The following PDE11A variants were observed in gnomAD, a reference collection of about 807,000 sequenced individuals.
PDE11A encodes the protein phosphodiesterase 11A.
Under a neutral mutation model 100.5 loss-of-function variants are expected in PDE11A, and 100 were observed. That is an observed-to-expected ratio of 1.00 (90% CI 0.85 to 1.18). The LOEUF is 1.18. Ranked by LOEUF, PDE11A falls within the 50% of genes most tolerant of loss-of-function variation. The pLI is 0.00. For synonymous variants in PDE11A, 381 were observed against 420.8 expected (o/e 0.91, Z 1.16); for missense variants, 1,141 against 1,152.6 (o/e 0.99, Z 0.15).
rs374942202 is a variant in PDE11A, at chr2:177,663,872, C to A, written c.2640G>T (p.Leu880Phe). The change falls in exon 19 of 20, where the codon TTG (leucine) becomes TTT (phenylalanine). Residue 880 changes from leucine to phenylalanine, a missense_variant. Leu to Phe is a conservative substitution (Grantham distance 22, BLOSUM62 0). Transcript: ENST00000286063. ...CCCTCCCAAATCAAAGTACCTGATA[C>A]AAAGGCATGCAGATGCTATCAATCC... ...LEWIDSICMP[L>F]YQALVKVNVK... 8.3e-4 allele frequency: 1,299 copies of A among 1,573,058 alleles called. 22 individuals are homozygous for A. The South Asian group carries it at 0.014, about 16-fold the overall frequency.
At chr2:177,713,997 T>TTTTTTTTTTTTTTTTTTTTTTTTTTC (rs2081397737) in intron 12 of PDE11A, among the ~76,000 whole-genome samples, 1 of 120,414 alleles carries the variant, frequency 8.3e-6, no homozygotes, top group African/African-American at 3.1e-5. Context: ...CTTTTTTTTT[T>TTTTTTTTTTTTTTTTTTTTTTTTTTC]TTTTTTTTTT....
intron 7 of PDE11A, among the ~76,000 whole-genome samples, chr2:177,818,690 G>T (rs371235831): frequency 6.6e-6 from 1 of 151,906 alleles, no homozygotes; most frequent in African/African-American, 2.4e-5. Flanking sequence ...CTGCTACCAG[G>T]GGGTACATAT....
intron 10 of PDE11A, among the ~76,000 whole-genome samples, chr2:177,738,802 T>C (rs2081831457): frequency 6.6e-6 from 1 of 152,162 alleles, no homozygotes; most frequent in East Asian, 1.9e-4. Context: ...TTTCAGTGAC[T>C]AGGCAGAAAA....
chr2:178,017,825 T>C (rs1399098537), intron 1 of PDE11A, among the ~76,000 whole-genome samples: 1 of 152,018 alleles, frequency 6.6e-6, no homozygotes, highest in Non-Finnish European at 1.5e-5. Flanking sequence ...CCGGGCGTGG[T>C]GCCAGGTGCC....
intron 12 of PDE11A, among the ~76,000 whole-genome samples, chr2:177,721,445 A>T (rs1175884323): frequency 2.0e-5 from 3 of 152,208 alleles, no homozygotes; most frequent in African/African-American, 4.8e-5. Context: ...AAATAATATA[A>T]GGAAATTTTC....
chr2:177,939,529 GAGGAAGGAAGGA>G lies in PDE11A; in HGVS notation c.1072-34354_1072-34343del, dbSNP rs72249265. 4.6e-3 allele frequency among the ~76,000 whole-genome samples: 465 copies of G among 100,790 alleles called. 2 individuals carry two copies. The highest frequency in any genetic ancestry group is 0.015 in the Middle Eastern group (3 of 196). The allele number at this position is 100,790 out of a possible 152,430, so 66.1% of individuals were successfully genotyped here. A position where few individuals can be genotyped will look rare whatever the true frequency, so the allele number is the denominator to read the frequency against. On this transcript the variant is annotated intron_variant, in intron 2 of 19. Transcript: ENST00000286063. ...GAGGGAGGGAGGGAAGGGAGGGAGGGAGGAAGGAAGGAAGGAAGGAAGGAAGGAAGGAAGGAA... is the reference window on the plus strand; with the variant it reads ...GAGGGAGGGAGGGAAGGGAGGGAGGGAGGAAGGAAGGAAGGAAGGAAGGAA...
intron 12 of PDE11A, among the ~76,000 whole-genome samples, chr2:177,712,561 G>A (rs1440584684): frequency 1.3e-5 from 2 of 152,084 alleles, no homozygotes; most frequent in Non-Finnish European, 2.9e-5. Flanking sequence ...ATCCATTACT[G>A]GGAATTCTTT....
chr2:177,855,079 T>C (rs1040819172), intron 5 of PDE11A, among the ~76,000 whole-genome samples: 1 of 152,150 alleles, frequency 6.6e-6, no homozygotes, highest in African/African-American at 2.4e-5. Flanking sequence ...GACATTGAAA[T>C]ATGTAGCATA....
intron 2 of PDE11A, among the ~76,000 whole-genome samples, chr2:177,935,965 C>T (rs1017050161): frequency 6.6e-6 from 1 of 152,168 alleles, no homozygotes; most frequent in African/African-American, 2.4e-5. Context: ...AAAATCACTC[C>T]TCAACACACG....
intron 6 of PDE11A, 90 bp downstream of exon 6, chr2:177,840,160 AT>A: frequency 7.5e-7 from 1 of 1,332,066 alleles, no homozygotes; most frequent in Non-Finnish European, 1.1e-6. Flanking sequence ...ATGCAAAAGA[AT>A]TGCTGGTAAG....
At position 177,653,453 on chromosome 2, in the gene PDE11A, C is replaced by T. The variant is rs112730721; in HGVS notation, c.2646+10413G>A. Among the ~76,000 whole-genome samples, 99 of 152,270 alleles carry T rather than the reference C, an allele frequency of 6.5e-4. 2 individuals are homozygous for T. Among genetic ancestry groups the T allele is most frequent in the African/African-American group, 2.3e-3 (96 of 41,556 alleles). ...TCAACCTCTCTGTCGTGAGTTGACT[C>T]GTGTACTCCCAAAAGCTATGTTGAA... On this transcript the variant is annotated intron_variant, in intron 19 of 19. Coordinates refer to ENST00000286063, the MANE Select transcript of PDE11A (RefSeq NM_016953.4).
intron 10 of PDE11A, among the ~76,000 whole-genome samples, chr2:177,738,040 G>A (rs896500872): frequency 6.6e-6 from 1 of 152,206 alleles, no homozygotes; most frequent in Admixed American, 6.5e-5. Flanking sequence ...CCACCCTGGT[G>A]ATTACCTCAC....
intron 2 of PDE11A, among the ~76,000 whole-genome samples, chr2:178,013,623 C>T (rs1010527196): frequency 2.6e-5 from 4 of 152,232 alleles, no homozygotes; most frequent in African/African-American, 4.8e-5. Flanking sequence ...TTGCTTTTAG[C>T]GCATATTTTA....
rs1217509641 is a variant in PDE11A, at chr2:177,753,758, T to G, written c.1788+15565A>C. On this transcript the variant is annotated intron_variant, in intron 10 of 19. Transcript: ENST00000286063. Reference sequence around the variant, plus strand: ...CCCCATCCCTCAGCAGCACTTCCCTTTATCAGGCAGATAAGATTGGGGGGG... The same window carrying G: ...CCCCATCCCTCAGCAGCACTTCCCTGTATCAGGCAGATAAGATTGGGGGGG... Among the ~76,000 whole-genome samples the G allele has an allele frequency of 5.3e-5, 8 of 150,904 alleles. 1 individual carries two copies. The highest frequency in any genetic ancestry group is 2.0e-4 in the African/African-American group (8 of 40,934).
intron 18 of PDE11A, among the ~76,000 whole-genome samples, chr2:177,668,685 C>T (rs1348919078): frequency 6.6e-6 from 1 of 152,148 alleles, no homozygotes; most frequent in Non-Finnish European, 1.5e-5. Context: ...ACTTGAAGAC[C>T]TTATAAATAC....
At chr2:177,881,342 T>TCTAC (rs1181076716) in intron 4 of PDE11A, among the ~76,000 whole-genome samples, 106 of 18,026 alleles carry the variant, frequency 5.9e-3, no homozygotes, top group Middle Eastern at 0.038. Context: ...CATCTATCTG[T>TCTAC]CTATCTATCT....
chr2:178,018,425 G>A, intron 1 of PDE11A: 2 of 457,418 alleles, frequency 4.4e-6, no homozygotes, highest in Admixed American at 2.4e-5. Context: ...TATCATGATG[G>A]GGGCATCTGG....
In PDE11A at chr2:177,896,150, A is replaced by G. The variant is rs933208647; in HGVS notation, c.1302+1908T>C. ...AGGCCTTTTGAACTTTCAGTAGAATACCAGCCAGCGCTGTTATCGTTTGTA... is the reference window on the plus strand; with the variant it reads ...AGGCCTTTTGAACTTTCAGTAGAATGCCAGCCAGCGCTGTTATCGTTTGTA... On this transcript the variant is annotated intron_variant, in intron 4 of 19. Coordinates refer to ENST00000286063, the MANE Select transcript of PDE11A (RefSeq NM_016953.4). 4.6e-5 allele frequency among the ~76,000 whole-genome samples: 7 copies of G among 152,140 alleles called. No individual in the cohort carries two copies. The South Asian group carries it at 6.2e-4, about 14-fold the overall frequency.
rs532231011 is a variant in PDE11A, at chr2:177,906,181, G to T, written c.1072-994C>A. On this transcript the variant is annotated intron_variant, in intron 2 of 19. Coordinates refer to ENST00000286063, the MANE Select transcript of PDE11A (RefSeq NM_016953.4). Reference sequence around the variant, plus strand: ...GTCTCTCTCTCACACACACACACACGCACGCACGCACGCACGCACGCACAC... The same window carrying T: ...GTCTCTCTCTCACACACACACACACTCACGCACGCACGCACGCACGCACAC... Among the ~76,000 whole-genome samples, 5 of 57,654 alleles carry T rather than the reference G, an allele frequency of 8.7e-5. No homozygotes were observed. In the South Asian group the frequency reaches 1.8e-3, roughly 21 times the overall value. The allele number at this position is 57,654 out of a possible 152,430, so 37.8% of individuals were successfully genotyped here.
Sources: allele counts gnomAD v4.1 joint callset (sites outside exome capture counted in the v4.1 genomes callset), GRCh38; gene constraint gnomAD v4.1.1; transcripts MANE v1.5; gene names NCBI Gene and HGNC (gene_info 2026-07-23, HGNC 2026-07-21).